The following DAPK1 variants were observed in gnomAD, a reference collection of about 807,000 sequenced individuals.
DAPK1 encodes the protein death-associated protein kinase 1.
DAPK1 carries 56 observed loss-of-function variants against 144.9 expected under a neutral mutation model. That is an observed-to-expected ratio of 0.39 (90% CI 0.31 to 0.48). The LOEUF is 0.48. Ranked by LOEUF, DAPK1 falls within the 20% of genes least tolerant of loss-of-function variation. The probability of loss-of-function intolerance (pLI) is 0.95; values close to 1 mark genes in which losing one functional copy is unlikely to be tolerated. For missense variants in DAPK1, 1,454 were observed against 1,875.4 expected (o/e 0.78, Z 4.15); for synonymous variants, 690 against 749.0 (o/e 0.92, Z 1.29).
intron 21 of DAPK1, among the ~76,000 whole-genome samples, chr9:87,692,953 T>A (rs948780202): frequency 5.7e-4 from 13 of 22,642 alleles, no homozygotes; most frequent in African/African-American, 3.9e-3. Context: ...GTGACTAGAC[T>A]TTTTTTTTTT....
chr9:87,563,658 C>T (rs1201811026), intron 2 of DAPK1, among the ~76,000 whole-genome samples: 2 of 152,182 alleles, frequency 1.3e-5, no homozygotes, highest in African/African-American at 4.8e-5. Flanking sequence ...AGTGAGAGGC[C>T]CAGCCATCAG....
At chr9:87,649,795 A>C in intron 15 of DAPK1, 126 bp from the exon 16 acceptor site, 5 of 808,612 alleles carry the variant, frequency 6.2e-6, no homozygotes, top group African/African-American at 1.7e-5. Flanking sequence ...TCCAATACCT[A>C]TGAGCTCTTT....
intron 22 of DAPK1, among the ~76,000 whole-genome samples, chr9:87,697,952 C>CA (rs1230805938): frequency 5.3e-5 from 8 of 149,794 alleles, no homozygotes; most frequent in East Asian, 3.9e-4. Flanking sequence ...GACCCTGTCT[C>CA]AAAAAAAAAG....
intron 3 of DAPK1, among the ~76,000 whole-genome samples, chr9:87,619,984 A>G (rs926148115): frequency 6.6e-6 from 1 of 152,120 alleles, no homozygotes; most frequent in Admixed American, 6.5e-5. Context: ...ACTCACCCCA[A>G]TCTTACTCTG....
At chr9:87,557,501 A>G (rs1361158669) in intron 2 of DAPK1, among the ~76,000 whole-genome samples, 1 of 152,272 alleles carries the variant, frequency 6.6e-6, no homozygotes, top group Non-Finnish European at 1.5e-5. Context: ...AAATAATATT[A>G]AATGGTCAGT....
At position 87,677,339 on chromosome 9, in the gene DAPK1, T is replaced by C. The variant is rs36217083; in HGVS notation, c.2002-4065T>C. 2.4e-3 allele frequency among the ~76,000 whole-genome samples: 360 copies of C among 152,330 alleles called. 1 individual carries two copies. The highest frequency in any genetic ancestry group is 7.9e-3 in the African/African-American group (327 of 41,574). On this transcript the variant is annotated intron_variant, in intron 19 of 25. Coordinates refer to ENST00000408954, the MANE Select transcript of DAPK1 (RefSeq NM_004938.4). ...GTCAGCCTGCAGGTTCAGTCGCTTC[T>C]AGAAGCCTCTCACAGGGGCAGCGGT...
chr9:87,543,877 AAGGATTGAG>A (rs1826143508), intron 2 of DAPK1, among the ~76,000 whole-genome samples: 3 of 152,044 alleles, frequency 2.0e-5, no homozygotes, highest in Non-Finnish European at 4.4e-5. Context: ...CTATAGTTTT[AAGGATTGAG>A]GACTCAGAAG....
chr9:87,696,104 G>C (rs1275612340), intron 21 of DAPK1, among the ~76,000 whole-genome samples: 2 of 151,970 alleles, frequency 1.3e-5, no homozygotes, highest in African/African-American at 4.8e-5. Context: ...TCCCCAGGTG[G>C]TTCTCTCTTT....
At chr9:87,510,190 T>C (rs1824782964) in intron 2 of DAPK1, among the ~76,000 whole-genome samples, 1 of 152,230 alleles carries the variant, frequency 6.6e-6, no homozygotes, top group Non-Finnish European at 1.5e-5. Context: ...GAGATAACGC[T>C]TGACACGTAT....
At chr9:87,638,689 G>A (rs568856755) in intron 4 of DAPK1, among the ~76,000 whole-genome samples, 21 of 152,302 alleles carry the variant, frequency 1.4e-4, no homozygotes, top group South Asian at 1.0e-3. Context: ...GTAAAGCAGC[G>A]CGTGCTCCAT....
rs73652034 is a variant in DAPK1, at chr9:87,544,548, A to G, written c.62+45409A>G. On this transcript the variant is annotated intron_variant, in intron 2 of 25. Transcript: ENST00000408954. ...TAAATATGCATATAAGTATACACATACACCAGAAAATTTTTCTAATGTTCC... is the reference window on the plus strand; with the variant it reads ...TAAATATGCATATAAGTATACACATGCACCAGAAAATTTTTCTAATGTTCC... Among the ~76,000 whole-genome samples the G allele has an allele frequency of 9.3e-3, 1,413 of 152,362 alleles. 22 individuals are homozygous for G. The highest frequency in any genetic ancestry group is 0.032 in the African/African-American group (1,350 of 41,582).
intron 19 of DAPK1, among the ~76,000 whole-genome samples, chr9:87,674,315 A>G (rs1239075321): frequency 1.3e-5 from 2 of 152,054 alleles, no homozygotes; most frequent in Admixed American, 1.3e-4. Context: ...CCTGGCCAAC[A>G]TGGTGAAACC....
chr9:87,602,838 T>G (rs911869371), intron 2 of DAPK1, among the ~76,000 whole-genome samples: 1 of 152,162 alleles, frequency 6.6e-6, no homozygotes, highest in Non-Finnish European at 1.5e-5. Flanking sequence ...TTCACCATGT[T>G]GGCCAGGCTG....
rs1209621819 is a variant in DAPK1, at chr9:87,639,643, C to T, written c.554-7C>T. On this transcript the variant is annotated splice_region_variant and splice_polypyrimidine_tract_variant and intron_variant, in intron 5 of 25. Coordinates refer to ENST00000408954, the MANE Select transcript of DAPK1 (RefSeq NM_004938.4). ...CCCAAGCTAAATGAGTGTTTGTTTC[C>T]TCTTAGCTCCTGAGATAGTCAACTA... The T allele has an allele frequency of 1.2e-6, 2 of 1,614,076 alleles. 1 individual carries two copies.
At chr9:87,561,742 A>C (rs1403776847) in intron 2 of DAPK1, among the ~76,000 whole-genome samples, 1 of 152,106 alleles carries the variant, frequency 6.6e-6, no homozygotes, top group Non-Finnish European at 1.5e-5. Context: ...AGTTTACTTA[A>C]GTTAAAGGTT....
chr9:87,578,540 G>A (rs765958182), intron 2 of DAPK1, among the ~76,000 whole-genome samples: 29 of 152,166 alleles, frequency 1.9e-4, no homozygotes, highest in Admixed American at 2.0e-4. Flanking sequence ...CATTTTAAAG[G>A]TTCTCGTTAC....
At position 87,668,608 on chromosome 9, in the gene DAPK1, G is replaced by A. The variant is rs773785893; in HGVS notation, c.1935G>A (p.Thr645=). 19 of 1,432,894 alleles carry A rather than the reference G, an allele frequency of 1.3e-5. No homozygotes were observed. Among genetic ancestry groups the A allele is most frequent in the Non-Finnish European group, 1.8e-5 (18 of 1,014,532 alleles). The allele number at this position is 1,432,894 out of a possible 1,614,324, so 88.8% of individuals were successfully genotyped here. The change falls in exon 19 of 26, where the codon ACG becomes ACA. Residue 645 remains threonine (T), a synonymous_variant. Coordinates refer to ENST00000408954, the MANE Select transcript of DAPK1 (RefSeq NM_004938.4). The stretch of plus-strand genomic sequence containing the variant: ...TTTTTCTCCAACAGGACGGAAAGAC[G>A]GCAGAAGATCTTGCTAGATCGGAAC... ...SVEALTTDGK[T]AEDLARSEQH...
intron 19 of DAPK1, among the ~76,000 whole-genome samples, chr9:87,679,597 TTCACATGTC>T (rs1327589731): frequency 6.6e-6 from 1 of 152,218 alleles, no homozygotes; most frequent in Non-Finnish European, 1.5e-5. Context: ...TGTGAAATTG[TTCACATGTC>T]TGTATCTCCC....
chr9:87,639,046 C>T (rs1587797898), intron 4 of DAPK1, among the ~76,000 whole-genome samples: 1 of 152,130 alleles, frequency 6.6e-6, no homozygotes, highest in East Asian at 1.9e-4. Flanking sequence ...CTCTCCCATT[C>T]CCCCAGTTAC....
Sources: allele counts gnomAD v4.1 joint callset (sites outside exome capture counted in the v4.1 genomes callset), GRCh38; gene constraint gnomAD v4.1.1; transcripts MANE v1.5; gene names NCBI Gene and HGNC (gene_info 2026-07-23, HGNC 2026-07-21).